The following AGBL1 variants were observed in gnomAD, a reference collection of about 807,000 sequenced individuals.
AGBL1 encodes the protein cytosolic carboxypeptidase 4.
In AGBL1, 130 loss-of-function variants were observed where a neutral mutation model predicts 118.9. The observed-to-expected ratio is 1.09, with a 90% confidence interval of 0.95 to 1.26. AGBL1 has a LOEUF of 1.26. Ranked by LOEUF, AGBL1 falls within the 50% of genes most tolerant of loss-of-function variation. The pLI is 0.00. For missense variants in AGBL1, 1,584 were observed against 1,298.1 expected, an observed-to-expected ratio of 1.22 and a Z score of -3.38; for synonymous variants, 555 against 478.9, an observed-to-expected ratio of 1.16 and a Z score of -2.08.
chr15:86,321,301 T>G (rs773356124), intron 17 of AGBL1, among the ~76,000 whole-genome samples: 22 of 152,142 alleles, frequency 1.4e-4, no homozygotes, highest in Non-Finnish European at 2.8e-4. Context: ...TCTGGTTTTC[T>G]TATTTATTTT....
At chr15:86,879,435 G>C (rs2079859468) in intron 22 of AGBL1, among the ~76,000 whole-genome samples, 1 of 152,162 alleles carries the variant, frequency 6.6e-6, no homozygotes, top group Non-Finnish European at 1.5e-5. Flanking sequence ...TTTGGCTCCA[G>C]AAATGGTGTC....
At chr15:86,442,466 T>C (rs141432351) in intron 18 of AGBL1, among the ~76,000 whole-genome samples, 93 of 152,364 alleles carry the variant, frequency 6.1e-4, no homozygotes, top group Middle Eastern at 3.4e-3. Context: ...CAAAATTTCA[T>C]TGGGAATGTC....
intron 7 of AGBL1, 93 bp from the exon 8 acceptor site, chr15:86,256,760 C>G: frequency 7.7e-7 from 1 of 1,299,646 alleles, no homozygotes; most frequent in Non-Finnish European, 1.1e-6. Flanking sequence ...GGAGACTGTG[C>G]TGTGTTACAG....
At chr15:86,252,192 G>T (rs1014803912) in intron 7 of AGBL1, among the ~76,000 whole-genome samples, 1 of 152,176 alleles carries the variant, frequency 6.6e-6, no homozygotes, top group Non-Finnish European at 1.5e-5. Flanking sequence ...AACTGATATG[G>T]CCTTTTAAAA....
intron 22 of AGBL1, among the ~76,000 whole-genome samples, chr15:86,707,629 A>G (rs1405740474): frequency 6.6e-6 from 1 of 152,180 alleles, no homozygotes; most frequent in African/African-American, 2.4e-5. Context: ...TACAGAAACC[A>G]CACCAAAGAA....
intron 22 of AGBL1, among the ~76,000 whole-genome samples, chr15:86,721,612 C>T (rs1345919525): frequency 6.6e-6 from 1 of 152,210 alleles, no homozygotes; most frequent in Non-Finnish European, 1.5e-5. Flanking sequence ...GGGATGCCCT[C>T]TCTCACCACT....
chr15:86,993,053 T>C (rs746926334), intron 24 of AGBL1, among the ~76,000 whole-genome samples: 22 of 152,224 alleles, frequency 1.4e-4, no homozygotes, highest in Non-Finnish European at 3.2e-4. Flanking sequence ...CCAATATTTG[T>C]CATTTTTTTA....
chr15:86,880,793 G>A (rs563474370), intron 22 of AGBL1, among the ~76,000 whole-genome samples: 6 of 151,832 alleles, frequency 4.0e-5, no homozygotes, highest in African/African-American at 9.7e-5. Context: ...GTGTGTGCAC[G>A]TGTGTGTGTG....
chr15:86,728,317 A>G lies in AGBL1; in HGVS notation c.3158+53881A>G, dbSNP rs79552935. On this transcript the variant is annotated intron_variant, in intron 22 of 22. Coordinates refer to ENST00000614907, the MANE Select transcript of AGBL1 (RefSeq NM_001386094.1). ...GACACTATTTAAATAGAAGCAGGCT[A>G]GAGTTGACAAAATGAGTTCCTTTCC... Among the ~76,000 whole-genome samples the G allele has an allele frequency of 6.1e-3, 933 of 152,304 alleles. 10 individuals are homozygous for G. Among genetic ancestry groups the G allele is most frequent in the African/African-American group, 0.021 (884 of 41,566 alleles).
At chr15:87,012,126 CT>C (rs1204929541) in intron 24 of AGBL1, among the ~76,000 whole-genome samples, 3 of 151,852 alleles carry the variant, frequency 2.0e-5, no homozygotes, top group Non-Finnish European at 4.4e-5. Context: ...CAGGTATGCT[CT>C]GCTAAATCAA....
At chr15:86,985,568 T>C (rs1001670408) in intron 23 of AGBL1, among the ~76,000 whole-genome samples, 5 of 152,186 alleles carry the variant, frequency 3.3e-5, no homozygotes, top group African/African-American at 1.2e-4. Context: ...ATTTTACCCA[T>C]GTTATATTGG....
In AGBL1 at chr15:86,966,172, G is replaced by A. The variant is rs185599078; in HGVS notation, c.3222-21815G>A. Among the ~76,000 whole-genome samples the A allele has an allele frequency of 1.6e-3, 248 of 151,888 alleles. 1 individual carries two copies. Among genetic ancestry groups the A allele is most frequent in the Non-Finnish European group, 3.2e-3 (214 of 67,934 alleles). On this transcript the variant is annotated intron_variant, in intron 23 of 24. Transcript: ENST00000441037. The stretch of plus-strand genomic sequence containing the variant: ...TAGCAATAAAGGCTAAGGTATCAGG[G>A]ACTCTGTAGTATTTTTTAATATAAA...
Position 86,181,126 on chromosome 15 carries a change from A to T in AGBL1, c.488+22100A>T, listed in dbSNP as rs1673522991. On this transcript the variant is annotated intron_variant, in intron 5 of 22. Transcript: ENST00000614907. ...TGGCAGTTTCTTAAATATTAAACAC[A>T]CACCTATCATATTGTTCACACACTC... is the stretch of plus-strand genomic sequence containing the variant. Among the ~76,000 whole-genome samples, 4 of 152,062 alleles carry T rather than the reference A, an allele frequency of 2.6e-5. No individual in the cohort carries two copies. In the South Asian group the frequency reaches 8.3e-4, roughly 31 times the overall value.
chr15:86,679,127 G>A (rs1350672797), intron 22 of AGBL1, among the ~76,000 whole-genome samples: 1 of 151,980 alleles, frequency 6.6e-6, no homozygotes, highest in East Asian at 1.9e-4. Flanking sequence ...AACCCACTGG[G>A]ATTTTAACTC....
chr15:86,249,385 T>TA (rs2078772050), intron 7 of AGBL1, among the ~76,000 whole-genome samples: 1 of 152,252 alleles, frequency 6.6e-6, no homozygotes, highest in East Asian at 1.9e-4. Context: ...CATTTCTCAT[T>TA]AAAAAATGGT....
At chr15:86,315,984 TACA>T (rs757491242) in intron 17 of AGBL1, among the ~76,000 whole-genome samples, 27 of 152,314 alleles carry the variant, frequency 1.8e-4, no homozygotes, top group Non-Finnish European at 3.4e-4. Flanking sequence ...CTATATTTAG[TACA>T]ACAAGTTAGA....
intron 6 of AGBL1, 36 bp from the exon 7 acceptor site, chr15:86,247,635 G>T: frequency 6.4e-7 from 1 of 1,556,104 alleles, no homozygotes; most frequent in Non-Finnish European, 8.7e-7. Flanking sequence ...GCTGTGGAGA[G>T]CCTGTGACTG....
intron 5 of AGBL1, among the ~76,000 whole-genome samples, chr15:86,208,981 C>T (rs1045019259): frequency 6.6e-6 from 1 of 152,186 alleles, no homozygotes; most frequent in African/African-American, 2.4e-5. Flanking sequence ...CTACAGACTG[C>T]TTTAAATGTG....
In AGBL1 at chr15:86,410,841, T is replaced by TATATATATAA. The variant is rs67883935; in HGVS notation, c.2555+13296_2555+13297insTATATATAAA. Among the ~76,000 whole-genome samples, 122 of 64,516 alleles carry TATATATATAA rather than the reference T, an allele frequency of 1.9e-3. 1 individual carries two copies. Among genetic ancestry groups the TATATATATAA allele is most frequent in the African/African-American group, 7.8e-3 (117 of 15,016 alleles). The allele number at this position is 64,516 out of a possible 152,430, so 42.3% of individuals were successfully genotyped here. A position where few individuals can be genotyped will look rare whatever the true frequency, so the allele number is the denominator to read the frequency against. ...ATATATATATATATATATATATATA[T>TATATATATAA]AATATACTATTTTATATATAAAATA... On this transcript the variant is annotated intron_variant, in intron 18 of 22. Transcript: ENST00000614907.
Sources: gnomAD v4.1 joint callset for allele counts (sites outside exome capture counted in the v4.1 genomes callset) on GRCh38, gnomAD v4.1.1 for gene constraint, MANE v1.5 for transcripts, NCBI Gene and HGNC (gene_info 2026-07-23, HGNC 2026-07-21) for gene names.